The following CALN1 variants were observed in gnomAD, a reference collection of about 807,000 sequenced individuals.
The protein encoded by CALN1 is calneuron 1, also known as calcium-binding protein 8.
In CALN1, 17 loss-of-function variants were observed where a neutral mutation model predicts 30.6. The observed-to-expected ratio is 0.56, with a 90% CI of 0.38 to 0.83. CALN1 has a LOEUF of 0.83. Among genes scored for constraint, CALN1 ranks in the 40% least tolerant of loss-of-function variants. CALN1 has a pLI of 0.00. For missense variants in CALN1, 291 were observed against 354.9 expected, an observed-to-expected ratio of 0.82 and a Z score of 1.45; for synonymous variants, 156 against 131.4, an observed-to-expected ratio of 1.19 and a Z score of -1.28.
the CALN1 span, among the ~76,000 whole-genome samples, chr7:72,490,713 C>T: frequency 6.6e-6 from 1 of 152,182 alleles, no homozygotes. Flanking sequence ...TGCACTTTCT[C>T]TCCTGTCACC....
intron 2 of CALN1, among the ~76,000 whole-genome samples, chr7:72,352,190 A>T (rs1245284151): frequency 6.6e-6 from 1 of 151,976 alleles, no homozygotes; most frequent in Non-Finnish European, 1.5e-5. Flanking sequence ...AAACAAAAAA[A>T]ACCACTTTGA....
intron 5 of CALN1, among the ~76,000 whole-genome samples, chr7:72,011,826 T>C (rs1241801168): frequency 6.6e-6 from 1 of 152,134 alleles, no homozygotes; most frequent in African/African-American, 2.4e-5. Flanking sequence ...TAGGTTTTTT[T>C]TGTAGAGACA....
intron 4 of CALN1, among the ~76,000 whole-genome samples, chr7:72,028,303 G>C (rs547322628): frequency 6.6e-6 from 1 of 152,104 alleles, no homozygotes; most frequent in Non-Finnish European, 1.5e-5. Context: ...CAGGGTGCAG[G>C]GAGCGCAGCA....
chr7:72,266,235 T>C (rs1331159932), intron 3 of CALN1, among the ~76,000 whole-genome samples: 1 of 152,134 alleles, frequency 6.6e-6, no homozygotes, highest in Admixed American at 6.5e-5. Context: ...ACCATCATGA[T>C]AGCTTACTAT....
chr7:72,197,366 T>G (rs1403068112), intron 3 of CALN1, among the ~76,000 whole-genome samples: 1 of 152,004 alleles, frequency 6.6e-6, no homozygotes, highest in East Asian at 1.9e-4. Flanking sequence ...CACGCATGGC[T>G]AATTTTTGTA....
the CALN1 span, among the ~76,000 whole-genome samples, chr7:72,492,378 C>A: frequency 1.4e-3 from 218 of 152,316 alleles, 1 homozygote; most frequent in African/African-American, 4.8e-3. Flanking sequence ...TCCTAACTGC[C>A]AGCCAAAGAT....
chr7:72,487,713 A>AAAAGAAAGAAAG, the CALN1 span, among the ~76,000 whole-genome samples: 302 of 68,606 alleles, frequency 4.4e-3, 12 homozygotes, highest in East Asian at 0.023. Context: ...AAAAGAAAAG[A>AAAAGAAAGAAAG]AAAGAAAGAA....
intron 4 of CALN1, among the ~76,000 whole-genome samples, chr7:72,067,554 C>T (rs1804107942): frequency 6.6e-6 from 1 of 152,146 alleles, no homozygotes; most frequent in African/African-American, 2.4e-5. Context: ...TCAGCCACTC[C>T]ATAATTTTTC....
At chr7:72,382,963 A>AT (rs1804998610) in intron 2 of CALN1, among the ~76,000 whole-genome samples, 1 of 151,746 alleles carries the variant, frequency 6.6e-6, no homozygotes, top group Non-Finnish European at 1.5e-5. Flanking sequence ...TAATTTTTGT[A>AT]TTTTTCTAGA....
intron 3 of CALN1, among the ~76,000 whole-genome samples, chr7:72,117,408 G>A (rs985301703): frequency 1.4e-4 from 21 of 152,142 alleles, no homozygotes; most frequent in African/African-American, 5.1e-4. Flanking sequence ...TACCGGTCAG[G>A]CTGGATTTGG....
intron 5 of CALN1, among the ~76,000 whole-genome samples, chr7:71,836,243 T>C (rs1004896174): frequency 6.6e-6 from 1 of 152,066 alleles, no homozygotes; most frequent in African/African-American, 2.4e-5. Flanking sequence ...GTCACTGAAT[T>C]TGGGGGTGGC....
chr7:71,971,993 G>GAAAGAAAAAA (rs373873170), intron 5 of CALN1, among the ~76,000 whole-genome samples: 2 of 85,686 alleles, frequency 2.3e-5, no homozygotes, highest in East Asian at 7.5e-4. Context: ...AAGAAAGAAA[G>GAAAGAAAAAA]AGAAAGAAAG....
intron 6 of CALN1, among the ~76,000 whole-genome samples, chr7:71,798,482 A>C (rs966100245): frequency 3.3e-5 from 5 of 151,800 alleles, no homozygotes; most frequent in Non-Finnish European, 7.4e-5. Flanking sequence ...TTTTTAAAAA[A>C]CTTTTTGTAA....
chr7:71,873,168 TA>T (rs1426635449), intron 5 of CALN1, among the ~76,000 whole-genome samples: 1 of 151,850 alleles, frequency 6.6e-6, no homozygotes, highest in Admixed American at 6.6e-5. Context: ...CACGCCTGGC[TA>T]ATTTTTTTAT....
At chr7:72,287,612 A>C (rs1430576000) in intron 2 of CALN1, among the ~76,000 whole-genome samples, 2 of 151,690 alleles carry the variant, frequency 1.3e-5, no homozygotes, top group East Asian at 3.9e-4. Context: ...ACGCACGGCT[A>C]ATTTTTTGTA....
intron 3 of CALN1, among the ~76,000 whole-genome samples, chr7:72,208,057 AAC>A (rs1043579662): frequency 3.3e-5 from 5 of 152,320 alleles, no homozygotes; most frequent in East Asian, 1.9e-4. Context: ...CAACCAATAA[AAC>A]AGAGAGGCTT....
intron 5 of CALN1, among the ~76,000 whole-genome samples, chr7:71,918,935 A>G (rs1794809020): frequency 6.6e-6 from 1 of 152,124 alleles, no homozygotes; most frequent in Non-Finnish European, 1.5e-5. Context: ...GGTTTGCCAT[A>G]TTTTATTATT....
Position 72,442,078 on chromosome 7 carries a change from T to G in CALN1, c.-226+4964A>C, listed in dbSNP as rs571895373. ...TCATCTCACACAACTCACCAACCCA[T>G]CAACACATCCCATTGCCTCCATCCT... On this transcript the variant is annotated intron_variant, in intron 1 of 6. Coordinates refer to the CALN1 transcript ENST00000395276. 1.9e-4 allele frequency among the ~76,000 whole-genome samples: 29 copies of G among 152,052 alleles called. 1 individual carries two copies. Among genetic ancestry groups the G allele is most frequent in the Admixed American group, 7.2e-4 (11 of 15,274 alleles).
intron 2 of CALN1, among the ~76,000 whole-genome samples, chr7:72,389,033 C>T (rs1216428159): frequency 6.6e-6 from 1 of 152,186 alleles, no homozygotes; most frequent in Non-Finnish European, 1.5e-5. Flanking sequence ...TGGCATCCAG[C>T]GCTTCCTTCA....
Sources: allele counts gnomAD v4.1 joint callset (sites outside exome capture counted in the v4.1 genomes callset), GRCh38; gene constraint gnomAD v4.1.1; transcripts MANE v1.5; gene names NCBI Gene and HGNC (gene_info 2026-07-23, HGNC 2026-07-21).